ECPAS: variants seen among roughly 807,000 people sequenced by gnomAD.
The protein encoded by ECPAS is proteasome adapter and scaffold protein ECM29.
A neutral mutation model predicts 255.1 loss-of-function variants in ECPAS; 70 were observed. The ratio of observed to expected loss-of-function variants is 0.27; its 90% CI spans 0.23 to 0.33. The LOEUF (loss-of-function observed/expected upper bound fraction) is 0.33. Among genes scored for constraint, ECPAS ranks in the 10% least tolerant of loss-of-function variants. The pLI, the probability that ECPAS is intolerant of heterozygous loss-of-function variation, is 1.00. For synonymous variants in ECPAS, 784 were observed against 775.0 expected (o/e 1.01, Z -0.19); for missense variants, 1,817 against 2,206.4 (o/e 0.82, Z 3.54).
chr9:111,458,205 C>T (rs1462815328), intron 2 of ECPAS, among the ~76,000 whole-genome samples: 2 of 152,134 alleles, frequency 1.3e-5, no homozygotes, highest in East Asian at 3.9e-4. Flanking sequence ...ATGTCAGATA[C>T]ATTACTGGTT....
Position 111,440,358 on chromosome 9 carries a change from AT to A in ECPAS, c.539+13del. 1 of 1,583,350 alleles carries A rather than the reference AT, an allele frequency of 6.3e-7. No homozygotes were observed. Among genetic ancestry groups the A allele is most frequent in the Non-Finnish European group, 8.6e-7 (1 of 1,161,472 alleles). ...AGCAGTCAAGAACAAGGTTGCTTTT[AT>A]TTTTTAACTCACCCATAAGGCATCA... On this transcript the variant is annotated intron_variant, in intron 6 of 49. Coordinates refer to ENST00000684092, the MANE Select transcript of ECPAS (RefSeq NM_001364929.1).
Position 111,410,990 on chromosome 9 carries a change from T to G in ECPAS, c.2367A>C (p.Thr789=). ...AAAGACATTAATTACCTATTGTTTC[T>G]GTAGCACTCTGAATGAGTTCCTCTT... is the stretch of plus-strand genomic sequence containing the variant. The part of the protein sequence containing the change: ...PDQEELIQSA[T]ETIGSFLDST... The change falls in exon 22 of 50, where the codon ACA becomes ACC. Residue 789 remains threonine, a synonymous_variant. Coordinates refer to ENST00000684092, the MANE Select transcript of ECPAS (RefSeq NM_001364929.1). 6.2e-7 allele frequency: 1 copy of G among 1,613,792 alleles called. No individual in the cohort carries two copies.
chr9:111,459,064 C>G (rs931720363), intron 2 of ECPAS, among the ~76,000 whole-genome samples: 13 of 151,972 alleles, frequency 8.6e-5, no homozygotes, highest in African/African-American at 3.1e-4. Context: ...CATATGAAGT[C>G]GATTCAGTCT....
intron 2 of ECPAS, among the ~76,000 whole-genome samples, chr9:111,462,928 G>C (rs1267458361): frequency 6.6e-6 from 1 of 151,934 alleles, no homozygotes; most frequent in African/African-American, 2.4e-5. Context: ...TTTTTGTAGA[G>C]ATGCAGTTTC....
intron 3 of ECPAS, among the ~76,000 whole-genome samples, chr9:111,446,860 T>C (rs996326533): frequency 6.6e-6 from 1 of 152,202 alleles, no homozygotes; most frequent in East Asian, 1.9e-4. Context: ...GCGAAAGTGT[T>C]TGTCAGTGAG....
At chr9:111,447,250 C>A (rs1388576843) in intron 3 of ECPAS, among the ~76,000 whole-genome samples, 1 of 151,968 alleles carries the variant, frequency 6.6e-6, no homozygotes, top group African/African-American at 2.4e-5. Context: ...TCAGTCACTG[C>A]AGTAGCTGGG....
intron 29 of ECPAS, among the ~76,000 whole-genome samples, chr9:111,390,604 C>T (rs1407265774): frequency 6.6e-6 from 1 of 152,110 alleles, no homozygotes; most frequent in Non-Finnish European, 1.5e-5. Context: ...AAGGAGTCTA[C>T]AAGGAGAGTT....
At chr9:111,383,420 T>C (rs1589127668) in intron 34 of ECPAS, 88 bp from the exon 35 acceptor site, 2 of 1,458,632 alleles carry the variant, frequency 1.4e-6, no homozygotes, top group East Asian at 2.5e-5. Context: ...ACTTCACATA[T>C]CTACAGGGAA....
intron 30 of ECPAS, 77 bp from the exon 31 acceptor site, chr9:111,389,800 A>G (rs2098156517): frequency 1.4e-6 from 2 of 1,418,158 alleles, no homozygotes; most frequent in African/African-American, 2.9e-5. Flanking sequence ...TCTCCCTCCA[A>G]ACTTATGCCT....
At chr9:111,459,749 T>C (rs1250785071) in intron 2 of ECPAS, among the ~76,000 whole-genome samples, 1 of 152,152 alleles carries the variant, frequency 6.6e-6, no homozygotes, top group African/African-American at 2.4e-5. Context: ...CAACTCACAA[T>C]TATAAATTCT....
At position 111,438,302 on chromosome 9, in the gene ECPAS, T is replaced by C. The variant is rs747785855; in HGVS notation, c.540-1194A>G. Among the ~76,000 whole-genome samples the C allele has an allele frequency of 1.3e-4, 20 of 152,192 alleles. No homozygotes were observed. In the South Asian group the frequency reaches 1.7e-3, roughly 13 times the overall value. ...AGACTGGTGGCATTAAGTAAATCAA[T>C]CAATAAGTTAATACATCTTAATACT... On this transcript the variant is annotated intron_variant, in intron 6 of 49. Transcript: ENST00000684092.
chr9:111,418,083 A>G, intron 16 of ECPAS, 77 bp from the exon 17 acceptor site: 2 of 1,345,424 alleles, frequency 1.5e-6, no homozygotes, highest in South Asian at 3.1e-5. Flanking sequence ...TAAGAACAGC[A>G]ATTTTATTTG....
intron 15 of ECPAS, 38 bp from the exon 16 acceptor site, chr9:111,420,158 C>T (rs1484779790): frequency 1.4e-6 from 2 of 1,386,084 alleles, no homozygotes; most frequent in Non-Finnish European, 2.0e-6. Context: ...CACCCCGATC[C>T]GAAAAAGGAA....
chr9:111,394,955 C>T (rs2098165518), intron 25 of ECPAS, among the ~76,000 whole-genome samples: 1 of 152,206 alleles, frequency 6.6e-6, no homozygotes. Context: ...TGAGCCCACT[C>T]CAAATCAGCC....
At chr9:111,466,487 CAAAGGA>C (rs1359382197) in intron 2 of ECPAS, among the ~76,000 whole-genome samples, 2 of 151,868 alleles carry the variant, frequency 1.3e-5, no homozygotes, top group African/African-American at 4.8e-5. Context: ...CATTTGATCT[CAAAGGA>C]AAAGTATCAA....
At chr9:111,429,001 C>T (rs966433059) in intron 9 of ECPAS, among the ~76,000 whole-genome samples, 5 of 152,188 alleles carry the variant, frequency 3.3e-5, no homozygotes, top group African/African-American at 1.2e-4. Context: ...GAAAAATCTA[C>T]TAAGTACTGA....
rs527558137 is a variant in ECPAS at position 111,381,427 on chromosome 9, C to T, written c.3803+1784G>A. On this transcript the variant is annotated intron_variant, in intron 35 of 49. Coordinates refer to ENST00000684092, the MANE Select transcript of ECPAS (RefSeq NM_001364929.1). ...CAAAATAACATCAAAGATCACTGATCACAGATCACCAAAACAGATATAATA... is the reference window on the plus strand; with the variant it reads ...CAAAATAACATCAAAGATCACTGATTACAGATCACCAAAACAGATATAATA... Among the ~76,000 whole-genome samples the T allele has an allele frequency of 9.2e-5, 14 of 152,278 alleles. No homozygotes were observed. In the East Asian group the frequency reaches 2.5e-3, roughly 27 times the overall value.
chr9:111,365,283 A>G (rs2098118851), intron 48 of ECPAS, among the ~76,000 whole-genome samples: 1 of 124,904 alleles, frequency 8.0e-6, no homozygotes, highest in African/African-American at 3.1e-5. Context: ...AATAATAATA[A>G]CCATTATCAT....
chr9:111,441,120 C>G (rs1179134669), intron 5 of ECPAS, among the ~76,000 whole-genome samples: 1 of 150,912 alleles, frequency 6.6e-6, no homozygotes, highest in Non-Finnish European at 1.5e-5. Flanking sequence ...CCACTGCACT[C>G]CAACCTGGGC....
Sources: allele counts gnomAD v4.1 joint callset (sites outside exome capture counted in the v4.1 genomes callset), GRCh38; gene constraint gnomAD v4.1.1; transcripts MANE v1.5; gene names NCBI Gene and HGNC (gene_info 2026-07-23, HGNC 2026-07-21).